USH2A: variants seen among roughly 807,000 people sequenced by gnomAD.
USH2A encodes usherin, also known as Usher syndrome 2A (autosomal recessive, mild).
A neutral mutation model predicts 538.9 loss-of-function variants in USH2A; 443 were observed. That is an observed-to-expected ratio of 0.82 (90% confidence interval 0.76 to 0.89). USH2A has a LOEUF of 0.89. Among genes scored for constraint, USH2A ranks in the 40% least tolerant of loss-of-function variants. The pLI, the probability that USH2A is intolerant of heterozygous loss-of-function variation, is 0.00. For synonymous variants in USH2A, 2,413 were observed against 2,273.5 expected, an observed-to-expected ratio of 1.06 and a Z score of -1.75; for missense variants, 6,633 against 6,324.8, an observed-to-expected ratio of 1.05 and a Z score of -1.65.
intron 56 of USH2A, among the ~76,000 whole-genome samples, chr1:215,763,384 A>G (rs1224457246): frequency 6.6e-6 from 1 of 152,134 alleles, no homozygotes; most frequent in Admixed American, 6.6e-5. Flanking sequence ...TTGTAGTGGA[A>G]GATTTCCAGA....
At chr1:215,756,700 C>T (rs574929036) in intron 58 of USH2A, among the ~76,000 whole-genome samples, 10 of 152,060 alleles carry the variant, frequency 6.6e-5, no homozygotes, top group South Asian at 2.1e-4. Context: ...CCAAGGTGGG[C>T]GGATCATGAA....
At chr1:216,312,509 T>C (rs922354031) in intron 9 of USH2A, among the ~76,000 whole-genome samples, 8 of 152,160 alleles carry the variant, frequency 5.3e-5, no homozygotes, top group African/African-American at 1.9e-4. Flanking sequence ...CCTTTCTATT[T>C]TGGTAGTCTC....
In USH2A at chr1:215,627,426, TTCCTTCCTTCCTTCC is replaced by T. The variant is rs1558027379; in HGVS notation, c.15519+1373_15519+1387del. On this transcript the variant is annotated intron_variant, in intron 71 of 71. Transcript: ENST00000307340. ...CTTCCTTCCTTCCTTCCTTCCTTCC[TTCCTTCCTTCCTTCC>T]TTCCTTCCTTCCTTCCTTCCTTCCT... 5.6e-3 allele frequency among the ~76,000 whole-genome samples: 696 copies of T among 124,256 alleles called. 17 individuals carry two copies. Among genetic ancestry groups the T allele is most frequent in the East Asian group, 0.021 (85 of 3,964 alleles). The allele number at this position is 124,256 out of a possible 152,430, so 81.5% of individuals were successfully genotyped here. A position where few individuals can be genotyped will look rare whatever the true frequency, so the allele number is the denominator to read the frequency against.
intron 61 of USH2A, among the ~76,000 whole-genome samples, chr1:215,683,216 T>TAC (rs71167830): frequency 1.5e-3 from 218 of 149,680 alleles, no homozygotes; most frequent in African/African-American, 5.1e-3. Context: ...AATAGTTTTA[T>TAC]ACACACACAC....
chr1:215,875,850 G>A (rs1163079536), intron 43 of USH2A, among the ~76,000 whole-genome samples: 2 of 145,858 alleles, frequency 1.4e-5, no homozygotes, highest in African/African-American at 5.0e-5. Flanking sequence ...TCTGAGGACA[G>A]CAATTAATAT....
intron 21 of USH2A, among the ~76,000 whole-genome samples, chr1:216,134,845 A>G (rs1487790850): frequency 6.6e-6 from 1 of 152,164 alleles, no homozygotes; most frequent in African/African-American, 2.4e-5. Flanking sequence ...AAGGCTGTCA[A>G]GAATCGATGG....
intron 35 of USH2A, 28 bp downstream of exon 35, chr1:215,992,992 T>C: frequency 6.2e-7 from 1 of 1,613,968 alleles, no homozygotes. Flanking sequence ...ATCATCTTTT[T>C]AACTTGAGGC....
intron 24 of USH2A, 140 bp downstream of exon 24, chr1:216,086,579 C>A: frequency 1.5e-6 from 1 of 671,808 alleles, no homozygotes; most frequent in Non-Finnish European, 2.6e-6. Flanking sequence ...AAAAAAGAGA[C>A]CTAAAGGAAA....
intron 19 of USH2A, among the ~76,000 whole-genome samples, chr1:216,190,820 A>G (rs2034700478): frequency 6.6e-6 from 1 of 152,002 alleles, no homozygotes; most frequent in East Asian, 1.9e-4. Flanking sequence ...CGATACTATC[A>G]TTTTCTTTAT....
At chr1:215,887,199 G>T (rs1256597055) in intron 41 of USH2A, among the ~76,000 whole-genome samples, 1 of 152,076 alleles carries the variant, frequency 6.6e-6, no homozygotes, top group Non-Finnish European at 1.5e-5. Context: ...AATCAGTAAC[G>T]CCTAGTTATA....
chr1:215,950,028 C>T (rs77501899), intron 37 of USH2A, among the ~76,000 whole-genome samples: 4,881 of 152,182 alleles, frequency 0.032, 123 homozygotes, highest in South Asian at 0.084. Context: ...ATGCATATAA[C>T]TACAGACAGA....
chr1:216,146,661 C>A (rs900461904), intron 21 of USH2A, among the ~76,000 whole-genome samples: 7 of 151,718 alleles, frequency 4.6e-5, no homozygotes, highest in African/African-American at 1.5e-4. Context: ...CTTATTTCCG[C>A]ACCCTGACCT....
At chr1:215,656,909 C>A (rs1269553485) in intron 64 of USH2A, among the ~76,000 whole-genome samples, 1 of 152,196 alleles carries the variant, frequency 6.6e-6, no homozygotes, top group African/African-American at 2.4e-5. Flanking sequence ...GCATGAACAG[C>A]TATGCCAGTA....
intron 60 of USH2A, among the ~76,000 whole-genome samples, chr1:215,736,012 G>A (rs1223109301): frequency 1.3e-5 from 2 of 152,054 alleles, no homozygotes; most frequent in Non-Finnish European, 2.9e-5. Context: ...TGGAAAATTA[G>A]GGAACACAGT....
intron 58 of USH2A, among the ~76,000 whole-genome samples, chr1:215,757,523 C>G: frequency 6.6e-6 from 1 of 152,038 alleles, no homozygotes; most frequent in South Asian, 2.1e-4. Flanking sequence ...ATTCTGATGG[C>G]GACAAAAAGG....
intron 44 of USH2A, among the ~76,000 whole-genome samples, chr1:215,863,134 G>A (rs12035103): frequency 0.17 from 25,174 of 152,024 alleles, 2,679 homozygotes; most frequent in East Asian, 0.29. Context: ...ATCATTCACA[G>A]TGCTGGATAC....
chr1:215,681,542 A>G (rs577931991), intron 61 of USH2A, among the ~76,000 whole-genome samples: 4 of 152,214 alleles, frequency 2.6e-5, no homozygotes, highest in South Asian at 2.1e-4. Flanking sequence ...AAAGTGGAGT[A>G]GTGAAAGTTA....
chr1:216,072,773 T>C lies in USH2A; in HGVS notation c.5857+116A>G, dbSNP rs59939306. ...TGTATTTTCAAACCAAGGCATGCTCTGTCAGAAGACTACAAAAATATTACT... is the reference window on the plus strand; with the variant it reads ...TGTATTTTCAAACCAAGGCATGCTCCGTCAGAAGACTACAAAAATATTACT... On this transcript the variant is annotated intron_variant, in intron 29 of 71. Coordinates refer to ENST00000307340, the MANE Select transcript of USH2A (RefSeq NM_206933.4). The C allele has an allele frequency of 8.8e-4, 884 of 999,042 alleles. 8 individuals are homozygous for C. In the African/African-American group the frequency reaches 0.012, roughly 14 times the overall value. 61.9% of individuals were successfully genotyped at this position (999,042 alleles called of 1,614,324 possible). A position where few individuals can be genotyped will look rare whatever the true frequency, so the allele number is the denominator to read the frequency against.
rs534875276 is a variant in USH2A, at chr1:215,623,637, G to C, written c.*2144C>G. On this transcript the variant is annotated 3_prime_UTR_variant, in exon 72 of 72. Coordinates refer to ENST00000307340, the MANE Select transcript of USH2A (RefSeq NM_206933.4). ...CTGGGCAGAAGCCATACAGGCTTCTGTCTGCCCTAAGCTATGGAGTCAAAA... is the reference window on the plus strand; with the variant it reads ...CTGGGCAGAAGCCATACAGGCTTCTCTCTGCCCTAAGCTATGGAGTCAAAA... 4.6e-5 allele frequency: 7 copies of C among 152,258 alleles called. No homozygotes were observed. The highest frequency in any genetic ancestry group is 1.7e-4 in the African/African-American group (7 of 41,566). 9.4% of individuals were successfully genotyped at this position (152,258 alleles called of 1,614,324 possible).
Sources: allele counts gnomAD v4.1 joint callset (sites outside exome capture counted in the v4.1 genomes callset), GRCh38; gene constraint gnomAD v4.1.1; transcripts MANE v1.5; gene names NCBI Gene and HGNC (gene_info 2026-07-23, HGNC 2026-07-21).